The following MAS1 variants were observed in gnomAD, a reference collection of about 807,000 sequenced individuals.
MAS1 encodes MAS1 proto-oncogene, G protein-coupled receptor, also known as proto-oncogene Mas.
For missense variants in MAS1, 387 were observed against 409.7 expected (o/e 0.94, Z 0.48); for synonymous variants, 163 against 164.2 (o/e 0.99, Z 0.05).
At chr6:159,906,809 T>A in intron 2 of MAS1, 111 bp from the exon 3 acceptor site, 1 of 866,026 alleles carries the variant, frequency 1.2e-6, no homozygotes, top group Admixed American at 3.0e-5. Flanking sequence ...TCTGTTAAAC[T>A]TTTTTTTAAT....
At position 159,908,667 on chromosome 6, in the gene MAS1, G is replaced by A. The variant is rs1404434024; in HGVS notation, c.*734G>A. On this transcript the variant is annotated 3_prime_UTR_variant, in exon 3 of 3. Coordinates refer to ENST00000674077, the MANE Select transcript of MAS1 (RefSeq NM_002377.4). ...CATTACACCTCTATTGAAAAACATC[G>A]CGGATGTTATGATCTAACAAGCCAT... 3 of 152,040 alleles carry A rather than the reference G, an allele frequency of 2.0e-5. No individual in the cohort carries two copies. The highest frequency in any genetic ancestry group is 2.1e-4 in the South Asian group (1 of 4,818). The allele number at this position is 152,040 out of a possible 1,614,324, so 9.4% of individuals were successfully genotyped here. A position where few individuals can be genotyped will look rare whatever the true frequency, so the allele number is the denominator to read the frequency against.
In MAS1 at chr6:159,909,625, T is replaced by A. The variant is rs1449017642; in HGVS notation, c.*1692T>A. On this transcript the variant is annotated 3_prime_UTR_variant, in exon 3 of 3. Coordinates refer to ENST00000674077, the MANE Select transcript of MAS1 (RefSeq NM_002377.4). Reference sequence around the variant, plus strand: ...TTGGTTGAAAACAGAGCATTTTCCCTGGGAAAGAACAGAATATGGAGATCA... The same window carrying A: ...TTGGTTGAAAACAGAGCATTTTCCCAGGGAAAGAACAGAATATGGAGATCA... The A allele has an allele frequency of 6.6e-6, 1 of 152,168 alleles. No individual in the cohort carries two copies. The highest frequency in any genetic ancestry group is 1.5e-5 in the Non-Finnish European group (1 of 68,038). The allele number at this position is 152,168 out of a possible 1,614,324, so 9.4% of individuals were successfully genotyped here. A position where few individuals can be genotyped will look rare whatever the true frequency, so the allele number is the denominator to read the frequency against.
At chr6:159,900,058 T>C (rs1256664394) in intron 2 of MAS1, among the ~76,000 whole-genome samples, 2 of 151,864 alleles carry the variant, frequency 1.3e-5, no homozygotes, top group Non-Finnish European at 2.9e-5. Flanking sequence ...AAAATAATAA[T>C]AATAAAAATG....
rs1258391270 is a variant in MAS1, at chr6:159,914,993, G to A, written c.*7060G>A. ...TTCTTTCAATTCTGTGGACCTAGGGGGTTTCTCAGCTTCTCCCCAAAGTTC... is the reference window on the plus strand; with the variant it reads ...TTCTTTCAATTCTGTGGACCTAGGGAGTTTCTCAGCTTCTCCCCAAAGTTC... On this transcript the variant is annotated 3_prime_UTR_variant, in exon 3 of 3. Transcript: ENST00000674077. 1 of 152,170 alleles carries A rather than the reference G, an allele frequency of 6.6e-6. No individual in the cohort carries two copies. Among genetic ancestry groups the A allele is most frequent in the Non-Finnish European group, 1.5e-5 (1 of 68,074 alleles). 9.4% of individuals were successfully genotyped at this position (152,170 alleles called of 1,614,324 possible). A position where few individuals can be genotyped will look rare whatever the true frequency, so the allele number is the denominator to read the frequency against.
At chr6:159,897,213 G>A (rs989673633) in intron 1 of MAS1, among the ~76,000 whole-genome samples, 3 of 152,208 alleles carry the variant, frequency 2.0e-5, no homozygotes, top group African/African-American at 7.2e-5. Context: ...TGGTGTGTAG[G>A]GCACCAGGGA....
chr6:159,893,824 G>A (rs547096156), intron 1 of MAS1, among the ~76,000 whole-genome samples: 6 of 152,170 alleles, frequency 3.9e-5, no homozygotes, highest in Admixed American at 2.6e-4. Context: ...CCCAGATCTT[G>A]GCTTCTAAAT....
chr6:159,912,538 C>T lies in MAS1; in HGVS notation c.*4605C>T, dbSNP rs1292114704. The stretch of plus-strand genomic sequence containing the variant: ...CAATCAAGTATTTGCTTGCTTGATT[C>T]CACAAACAAGAAGCTTCTTTTCTCT... On this transcript the variant is annotated 3_prime_UTR_variant, in exon 3 of 3. Coordinates refer to ENST00000674077, the MANE Select transcript of MAS1 (RefSeq NM_002377.4). 1 of 152,130 alleles carries T rather than the reference C, an allele frequency of 6.6e-6. No individual in the cohort carries two copies. The highest frequency in any genetic ancestry group is 1.5e-5 in the Non-Finnish European group (1 of 68,018). 9.4% of individuals were successfully genotyped at this position (152,130 alleles called of 1,614,324 possible).
In MAS1 at chr6:159,907,183, A is replaced by G; in HGVS notation, c.228A>G (p.Ala76=). 2 of 1,614,240 alleles carry G rather than the reference A, an allele frequency of 1.2e-6. No homozygotes were observed. Among genetic ancestry groups the G allele is most frequent in the South Asian group, 2.2e-5 (2 of 91,088 alleles). The stretch of plus-strand genomic sequence containing the variant: ...TCTACATCACCCACCTGTCTATCGC[A>G]GACATCTCACTGCTCTTCTGTATTT... ...FTVYITHLSI[A]DISLLFCIFI... is the part of the protein sequence containing the mutation. The change falls in exon 3 of 3, where the codon GCA becomes GCG. Residue 76 remains alanine (A), a synonymous_variant. Coordinates refer to ENST00000674077, the MANE Select transcript of MAS1 (RefSeq NM_002377.4).
At position 159,913,498 on chromosome 6, in the gene MAS1, G is replaced by T. The variant is rs1035548853; in HGVS notation, c.*5565G>T. 16 of 152,222 alleles carry T rather than the reference G, an allele frequency of 1.1e-4. No homozygotes were observed. The highest frequency in any genetic ancestry group is 3.6e-4 in the African/African-American group (15 of 41,458). 9.4% of individuals were successfully genotyped at this position (152,222 alleles called of 1,614,324 possible). The stretch of plus-strand genomic sequence containing the variant: ...GCGTCTCTTGTAGTTGTAGTGAGTT[G>T]TTGGCTGAGGCAGAAGCCACCTGAA... On this transcript the variant is annotated 3_prime_UTR_variant, in exon 3 of 3. Coordinates refer to ENST00000674077, the MANE Select transcript of MAS1 (RefSeq NM_002377.4).
At chr6:159,897,017 G>C (rs1266120975) in intron 1 of MAS1, among the ~76,000 whole-genome samples, 1 of 152,128 alleles carries the variant, frequency 6.6e-6, no homozygotes, top group Non-Finnish European at 1.5e-5. Flanking sequence ...GGGACTACAG[G>C]CGTCCGCCAC....
rs1238571377 is a variant in MAS1, at chr6:159,908,087, G to T, written c.*154G>T. On this transcript the variant is annotated 3_prime_UTR_variant, in exon 3 of 3. Coordinates refer to ENST00000674077, the MANE Select transcript of MAS1 (RefSeq NM_002377.4). ...TAATTAATGATGAAATTGAACTCTTGTACTGTATCTTCTGGAAATGACCTG... is the reference window on the plus strand; with the variant it reads ...TAATTAATGATGAAATTGAACTCTTTTACTGTATCTTCTGGAAATGACCTG... 7 of 774,686 alleles carry T rather than the reference G, an allele frequency of 9.0e-6. No homozygotes were observed. Among genetic ancestry groups the T allele is most frequent in the Non-Finnish European group, 1.4e-5 (7 of 518,170 alleles). 48.0% of individuals were successfully genotyped at this position (774,686 alleles called of 1,614,324 possible).
In MAS1 at chr6:159,907,481, G is replaced by C; in HGVS notation, c.526G>C (p.Glu176Gln). Residue 176 changes from glutamate (E) to glutamine (Q), a missense_variant, in exon 3 of 3, where the codon GAA becomes CAA. Coordinates refer to ENST00000674077, the MANE Select transcript of MAS1 (RefSeq NM_002377.4). ...GTATGTCATGTGCATCGACAGAGAA[G>C]AAGAGAGTCACTCTCGGAATGACTG... Reference protein sequence around the residue: ...MEYVMCIDREEESHSRNDCRA... With the variant: ...MEYVMCIDREQESHSRNDCRA... The C allele has an allele frequency of 6.2e-7, 1 of 1,614,038 alleles. No homozygotes were observed. Among genetic ancestry groups the C allele is most frequent in the Non-Finnish European group, 8.5e-7 (1 of 1,180,036 alleles).
At chr6:159,903,596 A>G (rs1315976671) in intron 2 of MAS1, among the ~76,000 whole-genome samples, 2 of 152,112 alleles carry the variant, frequency 1.3e-5, no homozygotes, top group Non-Finnish European at 2.9e-5. Context: ...ACTTTACTGT[A>G]AAAGAGATAC....
Position 159,908,488 on chromosome 6 carries a change from T to C in MAS1, c.*555T>C, listed in dbSNP as rs1782925277. The C allele has an allele frequency of 6.8e-6, 1 of 147,806 alleles. No individual in the cohort carries two copies. Among genetic ancestry groups the C allele is most frequent in the African/African-American group, 2.5e-5 (1 of 39,792 alleles). The allele number at this position is 147,806 out of a possible 1,614,324, so 9.2% of individuals were successfully genotyped here. ...TCACTCCCTTCAATGGTAGACAAGA[T>C]ATAAATTTTTGTTTTGTAAAGCACA... On this transcript the variant is annotated 3_prime_UTR_variant, in exon 3 of 3. Transcript: ENST00000674077.
At chr6:159,898,916 A>G (rs1264976279) in intron 1 of MAS1, among the ~76,000 whole-genome samples, 4 of 152,214 alleles carry the variant, frequency 2.6e-5, no homozygotes, top group Admixed American at 1.3e-4. Flanking sequence ...GTTTCTGGGC[A>G]CTACAGCCCT....
intron 2 of MAS1, among the ~76,000 whole-genome samples, chr6:159,905,615 G>A (rs1782876094): frequency 6.6e-6 from 1 of 152,154 alleles, no homozygotes; most frequent in Admixed American, 6.5e-5. Context: ...GCACATGCTG[G>A]GGCTCTGCTG....
At chr6:159,900,391 G>A (rs1259039804) in intron 2 of MAS1, among the ~76,000 whole-genome samples, 1 of 152,196 alleles carries the variant, frequency 6.6e-6, no homozygotes, top group Non-Finnish European at 1.5e-5. Flanking sequence ...GCTGGGGGAG[G>A]AAAGGGCTAG....
At chr6:159,889,993 C>G (rs1451892252), upstream of MAS1, among the ~76,000 whole-genome samples, 3 of 152,186 alleles carry the variant, frequency 2.0e-5, no homozygotes, top group Non-Finnish European at 4.4e-5. Flanking sequence ...CTTCTTACCC[C>G]TTTTGATATA....
chr6:159,906,073 A>G (rs937573669), intron 2 of MAS1, among the ~76,000 whole-genome samples: 1 of 152,176 alleles, frequency 6.6e-6, no homozygotes, highest in African/African-American at 2.4e-5. Flanking sequence ...TCAACTTCTT[A>G]TGGACAAAGT....
Sources: gnomAD v4.1 joint callset for allele counts (sites outside exome capture counted in the v4.1 genomes callset) on GRCh38, gnomAD v4.1.1 for gene constraint, MANE v1.5 for transcripts, NCBI Gene and HGNC (gene_info 2026-07-23, HGNC 2026-07-21) for gene names.